ZCWPW2: variants seen among roughly 807,000 people sequenced by gnomAD.
ZCWPW2 encodes the protein zinc finger CW-type and PWWP domain containing 2, also known as zinc finger CW-type PWWP domain protein 2.
ZCWPW2 carries 45 observed loss-of-function variants against 46.6 expected under a neutral mutation model. That is an observed-to-expected ratio of 0.96 (90% confidence interval 0.76 to 1.24). ZCWPW2 has a LOEUF of 1.24. Among genes scored for constraint, ZCWPW2 ranks in the 50% most tolerant of loss-of-function variants. The probability of loss-of-function intolerance (pLI) is 0.00; values close to 1 mark genes in which losing one functional copy is unlikely to be tolerated. For synonymous variants in ZCWPW2, 152 were observed against 137.1 expected (o/e 1.11, Z -0.76); for missense variants, 429 against 403.9 (o/e 1.06, Z -0.53).
chr3:28,473,443 C>T (rs1053803757), intron 4 of ZCWPW2, among the ~76,000 whole-genome samples: 26 of 151,998 alleles, frequency 1.7e-4, no homozygotes, highest in Non-Finnish European at 3.5e-4. Context: ...CCACTGCACT[C>T]CAGCTTGGGT....
intron 6 of ZCWPW2, among the ~76,000 whole-genome samples, chr3:28,501,982 C>A (rs1472133426): frequency 6.6e-6 from 1 of 152,146 alleles, no homozygotes; most frequent in East Asian, 1.9e-4. Context: ...CTTGGCCTCC[C>A]GTAGTGCTGG....
intron 6 of ZCWPW2, among the ~76,000 whole-genome samples, chr3:28,496,401 C>T (rs73823978): frequency 0.027 from 4,073 of 151,866 alleles, 164 homozygotes; most frequent in African/African-American, 0.087. Flanking sequence ...CTTCAGACCC[C>T]GAGGGGAAAA....
At chr3:28,372,477 C>T (rs986518791) in intron 1 of ZCWPW2, among the ~76,000 whole-genome samples, 3 of 151,872 alleles carry the variant, frequency 2.0e-5, no homozygotes, top group African/African-American at 7.3e-5. Flanking sequence ...TTTTTTTCTT[C>T]AATTAGAAAG....
rs144598128 is a variant in ZCWPW2 at position 28,388,715 on chromosome 3, G to A, written c.-133-1783G>A. 4.2e-3 allele frequency among the ~76,000 whole-genome samples: 634 copies of A among 152,294 alleles called. 5 individuals carry two copies. Among genetic ancestry groups the A allele is most frequent in the Non-Finnish European group, 5.5e-3 (375 of 68,006 alleles). On this transcript the variant is annotated intron_variant, in intron 1 of 9. Coordinates refer to ENST00000383768, the MANE Select transcript of ZCWPW2 (RefSeq NM_001040432.4). The stretch of plus-strand genomic sequence containing the variant: ...AATTCTCATTTCTGTAACTGGTCAT[G>A]TAGTCATAACTGGCACCTTCTGCCC...
chr3:28,363,815 T>C, intron 1 of ZCWPW2, among the ~76,000 whole-genome samples: 1 of 152,100 alleles, frequency 6.6e-6, no homozygotes, highest in East Asian at 1.9e-4. Context: ...ACAATTAAAC[T>C]TCTTGCTCAC....
chr3:28,519,519 G>T (rs1045600272), intron 8 of ZCWPW2, among the ~76,000 whole-genome samples: 4 of 152,132 alleles, frequency 2.6e-5, no homozygotes, highest in East Asian at 3.9e-4. Context: ...AACCTGCTAT[G>T]ATTTTATTTA....
intron 6 of ZCWPW2, among the ~76,000 whole-genome samples, chr3:28,497,357 T>G (rs1012293552): frequency 2.0e-5 from 3 of 152,062 alleles, no homozygotes; most frequent in Admixed American, 2.0e-4. Flanking sequence ...TTAACAAATA[T>G]AGACCTGTTT....
chr3:28,453,797 A>ATGTTTATT (rs1247761767), intron 4 of ZCWPW2, among the ~76,000 whole-genome samples: 3 of 148,144 alleles, frequency 2.0e-5, no homozygotes, highest in African/African-American at 7.5e-5. Flanking sequence ...ATAATTGTGT[A>ATGTTTATT]TATTTATTTA....
At position 28,524,952 on chromosome 3, in the gene ZCWPW2, T is replaced by TA; in HGVS notation, c.*264_*265insA. On this transcript the variant is annotated 3_prime_UTR_variant, in exon 10 of 10. Coordinates refer to ENST00000383768, the MANE Select transcript of ZCWPW2 (RefSeq NM_001040432.4). ...CTTGTTTGCCTTAATTTTTAAATGGTTTGTGAAATTTGCCTAACAAACATA... is the reference window on the plus strand; with the variant it reads ...CTTGTTTGCCTTAATTTTTAAATGGTATTGTGAAATTTGCCTAACAAACATA... 1 of 191,020 alleles carries TA rather than the reference T, an allele frequency of 5.2e-6. No homozygotes were observed. Among genetic ancestry groups the TA allele is most frequent in the Non-Finnish European group, 1.0e-5 (1 of 95,618 alleles). 11.8% of individuals were successfully genotyped at this position (191,020 alleles called of 1,614,324 possible).
At chr3:28,483,668 G>A (rs568883849) in intron 5 of ZCWPW2, among the ~76,000 whole-genome samples, 4 of 152,242 alleles carry the variant, frequency 2.6e-5, no homozygotes, top group South Asian at 4.1e-4. Flanking sequence ...TTTTATCAGA[G>A]TTTGGTAGTT....
At position 28,360,224 on chromosome 3, in the gene ZCWPW2, G is replaced by A. The variant is rs1189372279; in HGVS notation, c.-134+11021G>A. ...TTCCTCCAGAAGACAAAACAATTCT[G>A]GCCGGGCGCGGTGGCTCACGCCTGT... On this transcript the variant is annotated intron_variant, in intron 1 of 9. Coordinates refer to ENST00000383768, the MANE Select transcript of ZCWPW2 (RefSeq NM_001040432.4). Among the ~76,000 whole-genome samples the A allele has an allele frequency of 3.9e-5, 6 of 151,906 alleles. 1 individual carries two copies. In the South Asian group the frequency reaches 1.2e-3, roughly 32 times the overall value.
chr3:28,411,241 T>C (rs1447167594), intron 2 of ZCWPW2, among the ~76,000 whole-genome samples: 1 of 151,920 alleles, frequency 6.6e-6, no homozygotes, highest in East Asian at 1.9e-4. Context: ...ATGAATACAA[T>C]GTGTACCCAA....
intron 9 of ZCWPW2, among the ~76,000 whole-genome samples, chr3:28,521,793 G>C (rs1700730898): frequency 6.6e-6 from 1 of 152,082 alleles, no homozygotes; most frequent in Admixed American, 6.6e-5. Context: ...CAATGCAGCT[G>C]TTCCCTAACT....
chr3:28,433,973 T>G (rs1697380451), intron 3 of ZCWPW2, among the ~76,000 whole-genome samples: 1 of 151,334 alleles, frequency 6.6e-6, no homozygotes, highest in Admixed American at 6.6e-5. Flanking sequence ...TCAGTTTCTC[T>G]TATAATACCC....
At chr3:28,474,620 T>TGCGC (rs1553640372) in intron 4 of ZCWPW2, among the ~76,000 whole-genome samples, 47 of 121,692 alleles carry the variant, frequency 3.9e-4, no homozygotes, top group African/African-American at 1.0e-3. Context: ...TGTGTGTGTG[T>TGCGC]GCGCGCGCGC....
At chr3:28,384,059 A>C (rs1176630423) in intron 1 of ZCWPW2, among the ~76,000 whole-genome samples, 7 of 152,206 alleles carry the variant, frequency 4.6e-5, no homozygotes, top group East Asian at 3.8e-4. Context: ...ATATTACTAG[A>C]GCCCTAGCCA....
intron 2 of ZCWPW2, among the ~76,000 whole-genome samples, chr3:28,400,794 T>A (rs1165503638): frequency 6.6e-6 from 1 of 152,180 alleles, no homozygotes; most frequent in Non-Finnish European, 1.5e-5. Flanking sequence ...AAAAACGCTC[T>A]AAATCTTGAA....
At chr3:28,389,005 A>G (rs1332694178) in intron 1 of ZCWPW2, among the ~76,000 whole-genome samples, 1 of 152,190 alleles carries the variant, frequency 6.6e-6, no homozygotes, top group Non-Finnish European at 1.5e-5. Flanking sequence ...GATCCATCAC[A>G]GCTCCCTTCT....
intron 4 of ZCWPW2, among the ~76,000 whole-genome samples, chr3:28,436,825 G>T (rs1427541964): frequency 6.6e-6 from 1 of 152,148 alleles, no homozygotes; most frequent in Non-Finnish European, 1.5e-5. Flanking sequence ...ACAGAAGACA[G>T]GATAGAATAT....
Sources: allele counts gnomAD v4.1 joint callset (sites outside exome capture counted in the v4.1 genomes callset), GRCh38; gene constraint gnomAD v4.1.1; transcripts MANE v1.5; gene names NCBI Gene and HGNC (gene_info 2026-07-23, HGNC 2026-07-21).